Variants in PTPRD observed in about 807,000 individuals in gnomAD.
PTPRD encodes the protein protein tyrosine phosphatase receptor type D.
PTPRD carries 34 observed loss-of-function variants against 214.5 expected under a neutral mutation model. That is an observed-to-expected ratio of 0.16 (90% CI 0.12 to 0.21). The LOEUF (loss-of-function observed/expected upper bound fraction) is 0.21. Ranked by LOEUF, PTPRD falls within the 10% of genes least tolerant of loss-of-function variation. PTPRD has a pLI of 1.00. For synonymous variants in PTPRD, 1,128 were observed against 845.7 expected (o/e 1.33, Z -5.79); for missense variants, 2,545 against 2,398.7 (o/e 1.06, Z -1.27).
intron 9 of PTPRD, among the ~76,000 whole-genome samples, chr9:9,273,081 A>C (rs932648836): frequency 2.0e-5 from 3 of 151,340 alleles, no homozygotes; most frequent in African/African-American, 7.3e-5. Context: ...TTTGAATTTG[A>C]GTTTTGTGCA....
chr9:9,535,919 A>G (rs1404871706), intron 8 of PTPRD, among the ~76,000 whole-genome samples: 1 of 152,062 alleles, frequency 6.6e-6, no homozygotes, highest in African/African-American at 2.4e-5. Flanking sequence ...CACTTTTGCT[A>G]TAAGATTCGC....
In PTPRD at chr9:9,982,451, A is replaced by AT. The variant is rs1331331144; in HGVS notation, c.-471-43842dup. On this transcript the variant is annotated intron_variant, in intron 4 of 45. Coordinates refer to ENST00000381196, the MANE Select transcript of PTPRD (RefSeq NM_002839.4). ...TATTCAAATGTGGGTACATAGATACATATATTGTTGTTGTGGTGGTGGTGG... is the reference window on the plus strand; with the variant it reads ...TATTCAAATGTGGGTACATAGATACATTATATTGTTGTTGTGGTGGTGGTGG... Among the ~76,000 whole-genome samples, 6 of 103,946 alleles carry AT rather than the reference A, an allele frequency of 5.8e-5. No homozygotes were observed. In the South Asian group the frequency reaches 1.7e-3, roughly 29 times the overall value. 68.2% of individuals were successfully genotyped at this position (103,946 alleles called of 152,430 possible).
Position 8,909,119 on chromosome 9 carries a change from A to G in PTPRD, c.-104+109578T>C, listed in dbSNP as rs1045926314. ...TTGAATAGACCTACAAAAAGAAAAT[A>G]AATTCAGCTGGGAATTAAAAATCTT... On this transcript the variant is annotated intron_variant, in intron 11 of 45. Transcript: ENST00000381196. 2.0e-5 allele frequency among the ~76,000 whole-genome samples: 3 copies of G among 152,036 alleles called. No individual in the cohort carries two copies. In the East Asian group the frequency reaches 5.8e-4, roughly 29 times the overall value.
At chr9:10,512,812 G>C (rs2048739715) in intron 2 of PTPRD, among the ~76,000 whole-genome samples, 1 of 152,058 alleles carries the variant, frequency 6.6e-6, no homozygotes, top group Non-Finnish European at 1.5e-5. Context: ...CCAGGGTTTA[G>C]AGTATTAAAG....
In PTPRD at chr9:10,306,280, G is replaced by C. The variant is rs368036566; in HGVS notation, c.-545+34683C>G. On this transcript the variant is annotated intron_variant, in intron 3 of 45. Transcript: ENST00000381196. ...CATGCTGGGGCCTGTCGTGGGGTGG[G>C]GGGGGCTAGGGGAGGGATAGCATTA... is the stretch of plus-strand genomic sequence containing the variant. 1.3e-4 allele frequency among the ~76,000 whole-genome samples: 19 copies of C among 151,784 alleles called. No individual in the cohort carries two copies. In the East Asian group the frequency reaches 3.1e-3, roughly 25 times the overall value.
chr9:9,813,517 G>C (rs2047815021), intron 5 of PTPRD, among the ~76,000 whole-genome samples: 2 of 152,094 alleles, frequency 1.3e-5, no homozygotes, highest in South Asian at 4.1e-4. Context: ...GGATAGCCTA[G>C]AAGAAATTAA....
intron 8 of PTPRD, among the ~76,000 whole-genome samples, chr9:9,445,163 T>A (rs1304986472): frequency 6.6e-6 from 1 of 152,224 alleles, no homozygotes; most frequent in African/African-American, 2.4e-5. Context: ...GAGATTATTC[T>A]GGATAATAAA....
At chr9:9,642,422 A>AC (rs1381061343) in intron 7 of PTPRD, among the ~76,000 whole-genome samples, 2 of 152,200 alleles carry the variant, frequency 1.3e-5, no homozygotes, top group Non-Finnish European at 2.9e-5. Flanking sequence ...TAATAAAAAA[A>AC]ATAAGTTAAT....
At chr9:9,240,851 C>G (rs4073524) in intron 9 of PTPRD, among the ~76,000 whole-genome samples, 1 of 152,020 alleles carries the variant, frequency 6.6e-6, no homozygotes, top group Non-Finnish European at 1.5e-5. Flanking sequence ...TTTCTAATCA[C>G]GGCCATTTTA....
chr9:8,703,085 G>A (rs1399709249), intron 12 of PTPRD, among the ~76,000 whole-genome samples: 1 of 152,200 alleles, frequency 6.6e-6, no homozygotes, highest in Non-Finnish European at 1.5e-5. Context: ...CAAATCAGCA[G>A]AAGAGCTGGT....
chr9:9,573,447 A>C (rs901133014), intron 8 of PTPRD, among the ~76,000 whole-genome samples: 1 of 151,412 alleles, frequency 6.6e-6, no homozygotes, highest in Non-Finnish European at 1.5e-5. Context: ...AGTATTGGTT[A>C]TATGGGTGTA....
intron 3 of PTPRD, among the ~76,000 whole-genome samples, chr9:10,297,076 A>T (rs1321576018): frequency 1.3e-5 from 2 of 148,986 alleles, no homozygotes; most frequent in Non-Finnish European, 3.0e-5. Context: ...CATAGAGCAC[A>T]AATGGAGAAA....
chr9:10,355,479 CTTTT>C (rs1273617961), intron 2 of PTPRD, among the ~76,000 whole-genome samples: 8 of 136,700 alleles, frequency 5.9e-5, no homozygotes, highest in Admixed American at 7.3e-5. Context: ...TATTTCTTTT[CTTTT>C]TTTTTTTTTT....
At chr9:8,528,293 A>C in intron 15 of PTPRD, 1 of 438,040 alleles carries the variant, frequency 2.3e-6, no homozygotes, top group East Asian at 3.4e-5. Context: ...GAGAAAATGG[A>C]TCCATCAAAT....
rs190313747 is a variant in PTPRD, at chr9:10,197,666, T to G, written c.-545+143297A>C. Among the ~76,000 whole-genome samples, 8 of 152,208 alleles carry G rather than the reference T, an allele frequency of 5.3e-5. No individual in the cohort carries two copies. In the East Asian group the frequency reaches 1.5e-3, roughly 29 times the overall value. On this transcript the variant is annotated intron_variant, in intron 3 of 45. Coordinates refer to ENST00000381196, the MANE Select transcript of PTPRD (RefSeq NM_002839.4). ...GAGATACAAGAATCAAAGAATGTATTTCACCAGTAGGTAGTGTTAGAAGCT... is the reference window on the plus strand; with the variant it reads ...GAGATACAAGAATCAAAGAATGTATGTCACCAGTAGGTAGTGTTAGAAGCT...
chr9:9,618,071 C>CAAAAAAAAAAAAAAA (rs34125624), intron 7 of PTPRD, among the ~76,000 whole-genome samples: 11 of 23,026 alleles, frequency 4.8e-4, no homozygotes, highest in East Asian at 1.2e-3. Flanking sequence ...GACTCCATCT[C>CAAAAAAAAAAAAAAA]AAAAAAAAAA....
chr9:8,556,671 G>C (rs915802620), intron 14 of PTPRD, among the ~76,000 whole-genome samples: 4 of 152,058 alleles, frequency 2.6e-5, no homozygotes, highest in Admixed American at 6.6e-5. Flanking sequence ...TATATTATAA[G>C]AGGTCACTTT....
At chr9:8,944,338 T>G (rs377515044) in intron 11 of PTPRD, among the ~76,000 whole-genome samples, 1 of 152,064 alleles carries the variant, frequency 6.6e-6, no homozygotes, top group East Asian at 1.9e-4. Flanking sequence ...GGGACAACAG[T>G]ATGGAGATTC....
chr9:9,380,730 C>A (rs1251013665), intron 9 of PTPRD, among the ~76,000 whole-genome samples: 1 of 152,086 alleles, frequency 6.6e-6, no homozygotes, highest in Admixed American at 6.6e-5. Flanking sequence ...ACACTATGTA[C>A]TTGCCGTTTT....
Sources: gnomAD v4.1 joint callset for allele counts (sites outside exome capture counted in the v4.1 genomes callset) on GRCh38, gnomAD v4.1.1 for gene constraint, MANE v1.5 for transcripts, NCBI Gene and HGNC (gene_info 2026-07-23, HGNC 2026-07-21) for gene names.